CFAP46: variants seen among roughly 807,000 people sequenced by gnomAD.
CFAP46 encodes the protein cilia- and flagella-associated protein 46.
In CFAP46, 245 loss-of-function variants were observed where a neutral mutation model predicts 325.7. The ratio of observed to expected loss-of-function variants is 0.75; its 90% CI spans 0.68 to 0.84. The LOEUF is 0.84. Ranked by LOEUF, CFAP46 falls within the 40% of genes least tolerant of loss-of-function variation. The pLI is 0.00. For synonymous variants in CFAP46, 1,523 were observed against 1,495.9 expected (o/e 1.02, Z -0.42); for missense variants, 3,346 against 3,543.0 (o/e 0.94, Z 1.41).
intron 22 of CFAP46, among the ~76,000 whole-genome samples, chr10:132,906,551 A>C (rs4303160): frequency 0.066 from 3,788 of 57,508 alleles, 108 homozygotes; most frequent in Admixed American, 0.12. Context: ...GGGGTCCTGG[A>C]GCGTGATGCC....
intron 55 of CFAP46, among the ~76,000 whole-genome samples, chr10:132,811,406 A>G (rs1016066297): frequency 2.0e-5 from 3 of 152,154 alleles, no homozygotes; most frequent in Non-Finnish European, 4.4e-5. Context: ...GCCCTCCCCA[A>G]GGACGGAGGG....
chr10:132,913,301 G>GC (rs1350027206), intron 17 of CFAP46, 43 bp from the exon 18 acceptor site: 5 of 1,316,578 alleles, frequency 3.8e-6, no homozygotes, highest in Non-Finnish European at 5.0e-6. Flanking sequence ...AGGGTCCCCA[G>GC]CCCCGGGGCC....
rs955711721 is a variant in CFAP46, at chr10:132,886,389, C to G, written c.3305-430G>C. Among the ~76,000 whole-genome samples, 3 of 152,192 alleles carry G rather than the reference C, an allele frequency of 2.0e-5. No homozygotes were observed. Among genetic ancestry groups the G allele is most frequent in the Admixed American group, 6.5e-5 (1 of 15,294 alleles). On this transcript the variant is annotated intron_variant, in intron 25 of 57. Coordinates refer to ENST00000368586, the MANE Select transcript of CFAP46 (RefSeq NM_001200049.3). The surrounding 1 kb of genome is among the most constrained non-coding windows in gnomAD (Gnocchi z 5.8). ...GAGTCCTCATGCTTGGTGCCCGCAG[C>G]ACGGGAACAATCCCCGAGTCTCCAC...
chr10:132,822,947 CTGTG>C (rs1364492980), intron 50 of CFAP46, among the ~76,000 whole-genome samples: 72 of 111,880 alleles, frequency 6.4e-4, no homozygotes, highest in Non-Finnish European at 1.1e-3. Flanking sequence ...GCACTGTGTG[CTGTG>C]TGTGTGGTGA....
chr10:132,874,782 C>T (rs1474212130), intron 31 of CFAP46, among the ~76,000 whole-genome samples: 3 of 151,966 alleles, frequency 2.0e-5, no homozygotes, highest in Non-Finnish European at 2.9e-5. Flanking sequence ...CAATAAAGAT[C>T]GATAAAAACC....
At chr10:132,910,130 A>T in intron 19 of CFAP46, 62 bp from the exon 20 acceptor site, 1 of 1,312,772 alleles carries the variant, frequency 7.6e-7, no homozygotes, top group Admixed American at 3.8e-5. Context: ...TTGAGCCAAG[A>T]TCCGAACCAT....
At position 132,876,386 on chromosome 10, in the gene CFAP46, A is replaced by C. The variant is rs970761511; in HGVS notation, c.4362+426T>G. 2.0e-5 allele frequency among the ~76,000 whole-genome samples: 3 copies of C among 152,240 alleles called. No homozygotes were observed. The highest frequency in any genetic ancestry group is 4.4e-5 in the Non-Finnish European group (3 of 68,038). On this transcript the variant is annotated intron_variant, in intron 31 of 57. Transcript: ENST00000368586. This position sits in a 1 kb window ranked among gnomAD's most constrained non-coding sequence, Gnocchi z 4.1. ...ACACAAAAGAGGAGGCCACGTGACC[A>C]CAGAGGCTGACCGGGATGAGGAAAG...
intron 50 of CFAP46, among the ~76,000 whole-genome samples, chr10:132,821,205 ATGTGTGC>A (rs776138872): frequency 6.8e-5 from 5 of 73,024 alleles, no homozygotes; most frequent in South Asian, 9.0e-4. Flanking sequence ...GTGAGTGCTG[ATGTGTGC>A]TGTGTGCTGT....
intron 8 of CFAP46, 116 bp from the exon 9 acceptor site, chr10:132,929,920 A>C (rs1849867584): frequency 2.7e-6 from 2 of 735,382 alleles, no homozygotes; most frequent in East Asian, 2.7e-5. Context: ...GTAGGATAAG[A>C]AATAAATAAA....
intron 7 of CFAP46, among the ~76,000 whole-genome samples, chr10:132,935,363 TGG>T (rs1849978105): frequency 1.3e-5 from 1 of 77,100 alleles, no homozygotes; most frequent in South Asian, 4.6e-4. Context: ...TCACTCCCCT[TGG>T]CACCCAAACA....
Position 132,885,786 on chromosome 10 carries a change from A to G in CFAP46, c.3443+35T>C, listed in dbSNP as rs79967846. ...GGTGGGGGGAGCACTCAGGCGGTGG[A>G]GGGAGCACTCACAGGCGGTGGGGGG... On this transcript the variant is annotated intron_variant, in intron 26 of 57. Coordinates refer to ENST00000368586, the MANE Select transcript of CFAP46 (RefSeq NM_001200049.3). The G allele has an allele frequency of 8.1e-4, 1,049 of 1,295,912 alleles. 3 individuals are homozygous for G. The highest frequency in any genetic ancestry group is 6.0e-3 in the African/African-American group (144 of 24,070). The allele number at this position is 1,295,912 out of a possible 1,614,324, so 80.3% of individuals were successfully genotyped here.
In CFAP46 at chr10:132,832,550, T is replaced by A. The variant is rs751901499; in HGVS notation, c.7117+808A>T. 3.9e-5 allele frequency: 13 copies of A among 331,302 alleles called. No homozygotes were observed. The highest frequency in any genetic ancestry group is 7.3e-5 in the Non-Finnish European group (12 of 164,732). The allele number at this position is 331,302 out of a possible 1,614,324, so 20.5% of individuals were successfully genotyped here. On this transcript the variant is annotated intron_variant, in intron 50 of 57. Coordinates refer to ENST00000368586, the MANE Select transcript of CFAP46 (RefSeq NM_001200049.3). The surrounding 1 kb of genome is among the most constrained non-coding windows in gnomAD (Gnocchi z 4.1). ...TTCATGTGCTTTTCTCTGGTTTTTATTTGTCTCAGCTGGAAGAACGAATCT... is the reference window on the plus strand; with the variant it reads ...TTCATGTGCTTTTCTCTGGTTTTTAATTGTCTCAGCTGGAAGAACGAATCT...
intron 35 of CFAP46, among the ~76,000 whole-genome samples, chr10:132,864,006 A>C: frequency 1.5e-5 from 2 of 133,826 alleles, no homozygotes; most frequent in Non-Finnish European, 1.6e-5. Flanking sequence ...AGTGCCTGAG[A>C]CCTGAACACA....
intron 44 of CFAP46, among the ~76,000 whole-genome samples, chr10:132,837,973 T>A (rs914017562): frequency 1.3e-4 from 7 of 52,820 alleles, no homozygotes; most frequent in Non-Finnish European, 1.9e-4. Context: ...ACGCACACAC[T>A]CACGCAGACA....
chr10:132,861,760 C>G (rs1006128258), intron 35 of CFAP46, among the ~76,000 whole-genome samples: 2 of 152,220 alleles, frequency 1.3e-5, no homozygotes, highest in African/African-American at 4.8e-5. Context: ...GCGTCCTGTT[C>G]CCATGTATCA....
intron 35 of CFAP46, 147 bp downstream of exon 35, chr10:132,865,878 C>G (rs1222834231): frequency 4.4e-5 from 32 of 730,458 alleles, no homozygotes; most frequent in Non-Finnish European, 5.8e-5. Flanking sequence ...GACTGACTTC[C>G]CGCAGAGAGC....
chr10:132,907,912 C>T (rs576103962), intron 22 of CFAP46, among the ~76,000 whole-genome samples: 4 of 152,372 alleles, frequency 2.6e-5, no homozygotes, highest in Admixed American at 1.3e-4. Context: ...GAATCTGCCA[C>T]ACCTCGATGG....
intron 50 of CFAP46, among the ~76,000 whole-genome samples, chr10:132,818,169 T>C (rs988553201): frequency 6.6e-6 from 1 of 152,162 alleles, no homozygotes; most frequent in Non-Finnish European, 1.5e-5. Flanking sequence ...TGCTTTCCTT[T>C]TCTGCCCCTG....
At chr10:132,894,027 T>G (rs917570459) in intron 24 of CFAP46, among the ~76,000 whole-genome samples, 1 of 150,630 alleles carries the variant, frequency 6.6e-6, no homozygotes, top group Admixed American at 6.6e-5. Flanking sequence ...GGTTTGCCAC[T>G]GGTAACACAC....
Sources: allele counts gnomAD v4.1 joint callset (sites outside exome capture counted in the v4.1 genomes callset), GRCh38; gene constraint gnomAD v4.1.1; non-coding constraint Gnocchi (gnomAD v3.1); transcripts MANE v1.5; gene names NCBI Gene and HGNC (gene_info 2026-07-23, HGNC 2026-07-21).